The following SVOP variants were observed in gnomAD, a reference collection of about 807,000 sequenced individuals.
The protein encoded by SVOP is synaptic vesicle 2-related protein.
A neutral mutation model predicts 69.1 loss-of-function variants in SVOP; 17 were observed. The observed-to-expected ratio is 0.25, with a 90% CI of 0.17 to 0.37. The LOEUF is 0.37. Among genes scored for constraint, SVOP ranks in the 10% least tolerant of loss-of-function variants. The pLI is 1.00. For missense variants in SVOP, 435 were observed against 597.5 expected (o/e 0.73, Z 2.84); for synonymous variants, 238 against 238.6 (o/e 1.00, Z 0.02).
rs2040083506 is a variant in SVOP at position 108,972,249 on chromosome 12, G to C, written c.453+156C>G. ...ACTAGGAATCTGTGCTTTGAAGAGA[G>C]TCCACAGCAGCCTTACAGCAATGTC... On this transcript the variant is annotated intron_variant, in intron 5 of 15. Coordinates refer to ENST00000610966, the MANE Select transcript of SVOP (RefSeq NM_018711.5). Among the ~76,000 whole-genome samples, 15 of 151,926 alleles carry C rather than the reference G, an allele frequency of 9.9e-5. 1 individual carries two copies. In the South Asian group the frequency reaches 3.1e-3, roughly 32 times the overall value.
chr12:108,940,023 C>A (rs1366005758), intron 8 of SVOP, among the ~76,000 whole-genome samples: 1 of 152,186 alleles, frequency 6.6e-6, no homozygotes, highest in Non-Finnish European at 1.5e-5. Context: ...GAGAGAGAAG[C>A]TCCTATCGTG....
Position 108,922,799 on chromosome 12 carries a change from T to C in SVOP, c.1049-2A>G, listed in dbSNP as rs2039757958. The C allele has an allele frequency of 6.3e-7, 1 of 1,599,734 alleles. No individual in the cohort carries two copies. Among genetic ancestry groups the C allele is most frequent in the Non-Finnish European group, 8.5e-7 (1 of 1,172,714 alleles). ...CTACAGCCTTCTTCCGACTGGAGAC[T>C]GGGGTTGGGAGAGAGAAAGAGAGGG... On this transcript the variant is annotated splice_acceptor_variant, in intron 11 of 15. Coordinates refer to ENST00000610966, the MANE Select transcript of SVOP (RefSeq NM_018711.5). LOFTEE classifies it high-confidence loss of function.
intron 14 of SVOP, among the ~76,000 whole-genome samples, chr12:108,917,174 A>T (rs2039719130): frequency 6.6e-6 from 1 of 152,238 alleles, no homozygotes; most frequent in African/African-American, 2.4e-5. Context: ...AAGAATAAAA[A>T]CTTAAAGAGG....
intron 1 of SVOP, among the ~76,000 whole-genome samples, chr12:108,988,830 T>C (rs1428250281): frequency 1.4e-5 from 2 of 141,210 alleles, no homozygotes; most frequent in Non-Finnish European, 3.0e-5. Context: ...TGGAGTGCAA[T>C]GGCATGATCT....
At chr12:108,948,120 G>A (rs972471260) in intron 6 of SVOP, among the ~76,000 whole-genome samples, 9 of 151,886 alleles carry the variant, frequency 5.9e-5, no homozygotes, top group Non-Finnish European at 1.3e-4. Context: ...TGGCATTGGG[G>A]GAGGGGTGGG....
chr12:108,996,788 C>T (rs1313782048), intron 1 of SVOP, among the ~76,000 whole-genome samples: 2 of 151,972 alleles, frequency 1.3e-5, no homozygotes, highest in East Asian at 1.9e-4. Context: ...AGAAATTAGT[C>T]GGGAGTAGTG....
intron 6 of SVOP, among the ~76,000 whole-genome samples, chr12:108,947,660 T>C (rs1361840685): frequency 6.6e-6 from 1 of 152,170 alleles, no homozygotes; most frequent in African/African-American, 2.4e-5. Flanking sequence ...TTTCACTTCC[T>C]CAGACTTGGG....
chr12:109,003,649 C>T (rs112365664), intron 1 of SVOP, among the ~76,000 whole-genome samples: 2 of 152,274 alleles, frequency 1.3e-5, no homozygotes, highest in African/African-American at 4.8e-5. Flanking sequence ...TGCTCTGTCA[C>T]CAAGGCTGGA....
chr12:108,939,755 G>A (rs890565224), intron 8 of SVOP, among the ~76,000 whole-genome samples: 1 of 152,152 alleles, frequency 6.6e-6, no homozygotes, highest in Admixed American at 6.6e-5. Context: ...TGCCCAGACA[G>A]GGACTACATT....
chr12:108,982,789 TATC>T (rs1197027890), intron 2 of SVOP, among the ~76,000 whole-genome samples: 13 of 30,608 alleles, frequency 4.2e-4, no homozygotes, highest in South Asian at 2.0e-3. Flanking sequence ...TCATCATCAC[TATC>T]ATCATCATCA....
At chr12:109,010,407 T>C (rs2135630474) in intron 1 of SVOP, among the ~76,000 whole-genome samples, 1 of 152,348 alleles carries the variant, frequency 6.6e-6, no homozygotes, top group African/African-American at 2.4e-5. Context: ...AGCCACTGTC[T>C]AGGCCAGTGA....
Position 108,960,914 on chromosome 12 carries a change from T to C in SVOP, c.578+9A>G. On this transcript the variant is annotated intron_variant, in intron 6 of 15. Transcript: ENST00000610966. ...CTGGCTGCATAGCCAGCACTGGGTA[T>C]TTACTTACGACTGGGGAACTCCTCC... 6.5e-7 allele frequency: 1 copy of C among 1,536,810 alleles called. No individual in the cohort carries two copies. Among genetic ancestry groups the C allele is most frequent in the Non-Finnish European group, 8.7e-7 (1 of 1,146,698 alleles).
intron 6 of SVOP, among the ~76,000 whole-genome samples, chr12:108,957,328 T>C (rs2039991198): frequency 6.6e-6 from 1 of 152,238 alleles, no homozygotes; most frequent in African/African-American, 2.4e-5. Flanking sequence ...CACACCCAGC[T>C]AATTTTTGTA....
intron 3 of SVOP, chr12:108,978,361 A>G: frequency 2.0e-6 from 1 of 505,836 alleles, no homozygotes; most frequent in Non-Finnish European, 3.5e-6. Flanking sequence ...TAGAAAGTTC[A>G]ACTCCTTCTT....
intron 10 of SVOP, among the ~76,000 whole-genome samples, chr12:108,935,296 T>A (rs756826006): frequency 6.6e-6 from 1 of 152,222 alleles, no homozygotes; most frequent in Non-Finnish European, 1.5e-5. Context: ...TCTCATCCAG[T>A]AGAATAGTTA....
intron 4 of SVOP, among the ~76,000 whole-genome samples, chr12:108,976,894 C>A (rs1287802271): frequency 6.6e-6 from 1 of 152,182 alleles, no homozygotes; most frequent in East Asian, 1.9e-4. Context: ...GGATTACAGG[C>A]GTGAGCCACT....
At chr12:108,984,392 G>A (rs1219958245) in intron 1 of SVOP, among the ~76,000 whole-genome samples, 6 of 152,114 alleles carry the variant, frequency 3.9e-5, no homozygotes, top group African/African-American at 9.7e-5. Context: ...AGAATATCTC[G>A]CTGTCTGGAG....
At chr12:108,922,234 T>A (rs2039752772) in intron 12 of SVOP, among the ~76,000 whole-genome samples, 1 of 152,172 alleles carries the variant, frequency 6.6e-6, no homozygotes, top group East Asian at 1.9e-4. Context: ...ATAATAAAGA[T>A]GATGTCTCCC....
chr12:108,967,320 G>T (rs1313482476), intron 5 of SVOP, among the ~76,000 whole-genome samples: 2 of 151,994 alleles, frequency 1.3e-5, no homozygotes, highest in Non-Finnish European at 2.9e-5. Context: ...CTAACACGGT[G>T]AAACCCCGTC....
Sources: gnomAD v4.1 joint callset for allele counts (sites outside exome capture counted in the v4.1 genomes callset) on GRCh38, gnomAD v4.1.1 for gene constraint, MANE v1.5 for transcripts, NCBI Gene and HGNC (gene_info 2026-07-23, HGNC 2026-07-21) for gene names.